MBD5: variants seen among roughly 807,000 people sequenced by gnomAD.
MBD5 encodes the protein methyl-CpG-binding domain protein 5.
A neutral mutation model predicts 117.3 loss-of-function variants in MBD5; 13 were observed. That is an observed-to-expected ratio of 0.11 (90% CI 0.07 to 0.18). The LOEUF (loss-of-function observed/expected upper bound fraction) is 0.18. MBD5 is among the 10% of genes least tolerant of loss of function. The pLI, the probability that MBD5 is intolerant of heterozygous loss-of-function variation, is 1.00. For synonymous variants in MBD5, 727 were observed against 766.4 expected, an observed-to-expected ratio of 0.95 and a Z score of 0.85; for missense variants, 1,879 against 2,093.8, an observed-to-expected ratio of 0.90 and a Z score of 2.00.
intron 1 of MBD5, among the ~76,000 whole-genome samples, chr2:148,165,706 A>G (rs948626478): frequency 6.6e-6 from 1 of 152,114 alleles, no homozygotes; most frequent in African/African-American, 2.4e-5. Flanking sequence ...ATCTATGTCT[A>G]TATCTGCAAC....
At chr2:148,043,928 T>G (rs1345145850) in intron 1 of MBD5, among the ~76,000 whole-genome samples, 1 of 152,216 alleles carries the variant, frequency 6.6e-6, no homozygotes, top group East Asian at 1.9e-4. Flanking sequence ...GATTTTCAAT[T>G]ATAGCTACTT....
intron 4 of MBD5, among the ~76,000 whole-genome samples, chr2:148,364,570 C>G (rs1351330717): frequency 1.3e-5 from 2 of 152,096 alleles, no homozygotes; most frequent in African/African-American, 4.8e-5. Context: ...TGTCAAGACC[C>G]ATTAGTGTGC....
At chr2:148,427,673 A>G (rs1438748270) in intron 4 of MBD5, among the ~76,000 whole-genome samples, 1 of 152,172 alleles carries the variant, frequency 6.6e-6, no homozygotes, top group African/African-American at 2.4e-5. Flanking sequence ...TAGCATTAGG[A>G]GATATACCTA....
At chr2:148,397,698 AC>A (rs1234636381) in intron 4 of MBD5, among the ~76,000 whole-genome samples, 15 of 152,064 alleles carry the variant, frequency 9.9e-5, no homozygotes, top group Non-Finnish European at 2.2e-4. Context: ...CATGTGCACA[AC>A]GTGCAGGTTT....
At chr2:148,209,523 C>CTTT (rs562857871) in intron 2 of MBD5, among the ~76,000 whole-genome samples, 3 of 143,840 alleles carry the variant, frequency 2.1e-5, no homozygotes, top group East Asian at 2.0e-4. Flanking sequence ...TTTTTTCTTT[C>CTTT]TTTTTTTTTT....
chr2:148,042,081 A>G (rs559179912), intron 1 of MBD5, among the ~76,000 whole-genome samples: 12 of 152,344 alleles, frequency 7.9e-5, no homozygotes, highest in African/African-American at 2.6e-4. Flanking sequence ...ACCTAAAAAT[A>G]TATGTGCAAA....
At chr2:148,149,698 G>T (rs1267397164) in intron 1 of MBD5, among the ~76,000 whole-genome samples, 1 of 152,194 alleles carries the variant, frequency 6.6e-6, no homozygotes, top group African/African-American at 2.4e-5. Context: ...CAGTGATGAT[G>T]AGCATTTTTT....
intron 10 of MBD5, 135 bp downstream of exon 10, chr2:148,486,085 G>A: frequency 1.2e-6 from 1 of 822,214 alleles, no homozygotes; most frequent in Non-Finnish European, 2.1e-6. Context: ...TCAGTCATGA[G>A]TATTGTTAAA....
At chr2:148,380,462 A>C (rs1159231308) in intron 4 of MBD5, among the ~76,000 whole-genome samples, 3 of 152,330 alleles carry the variant, frequency 2.0e-5, no homozygotes, top group South Asian at 2.1e-4. Flanking sequence ...CAAAAAGATA[A>C]ATTTAAAAAT....
chr2:148,409,970 G>T (rs939998739), intron 4 of MBD5, among the ~76,000 whole-genome samples: 1 of 151,916 alleles, frequency 6.6e-6, no homozygotes, highest in South Asian at 2.1e-4. Context: ...AGAGTTTTTT[G>T]TATTTTTTAC....
At chr2:148,265,935 A>AG (rs1431150309) in intron 3 of MBD5, among the ~76,000 whole-genome samples, 2 of 151,628 alleles carry the variant, frequency 1.3e-5, no homozygotes, top group Non-Finnish European at 2.9e-5. Context: ...GAAAGAGAAA[A>AG]AAATGCTTAA....
intron 3 of MBD5, among the ~76,000 whole-genome samples, chr2:148,312,282 A>G (rs1702051076): frequency 6.6e-6 from 1 of 152,210 alleles, no homozygotes; most frequent in African/African-American, 2.4e-5. Context: ...ACTTTCAGGT[A>G]CACCAATCAA....
intron 4 of MBD5, among the ~76,000 whole-genome samples, chr2:148,353,924 A>G (rs1402918896): frequency 2.0e-5 from 3 of 151,976 alleles, no homozygotes; most frequent in African/African-American, 7.2e-5. Flanking sequence ...TGTTGTAACT[A>G]TAATACCTTT....
chr2:148,395,760 A>T (rs1346238887), intron 4 of MBD5, among the ~76,000 whole-genome samples: 1 of 152,140 alleles, frequency 6.6e-6, no homozygotes, highest in Non-Finnish European at 1.5e-5. Context: ...ACAGGTCATT[A>T]ACCAACGTGT....
intron 4 of MBD5, among the ~76,000 whole-genome samples, chr2:148,399,006 G>T (rs1355308142): frequency 6.6e-6 from 1 of 152,120 alleles, no homozygotes; most frequent in Non-Finnish European, 1.5e-5. Context: ...TGTTCCATTG[G>T]TCTATATCTC....
chr2:148,373,758 G>A (rs1362726972), intron 4 of MBD5, among the ~76,000 whole-genome samples: 1 of 152,082 alleles, frequency 6.6e-6, no homozygotes, highest in African/African-American at 2.4e-5. Flanking sequence ...TCAGTGATCA[G>A]GTGACTACAA....
intron 2 of MBD5, among the ~76,000 whole-genome samples, chr2:148,219,186 CACAA>C (rs1251540527): frequency 2.0e-5 from 3 of 152,042 alleles, no homozygotes; most frequent in South Asian, 2.1e-4. Context: ...AAAACTAAGA[CACAA>C]ACACACACAT....
At chr2:148,397,413 TC>T (rs1450482453) in intron 4 of MBD5, among the ~76,000 whole-genome samples, 1 of 141,812 alleles carries the variant, frequency 7.1e-6, no homozygotes, top group Non-Finnish European at 1.5e-5. Context: ...CACTGCAAGC[TC>T]CGCCTCCCAG....
At chr2:148,416,927 A>G (rs1355986610) in intron 4 of MBD5, among the ~76,000 whole-genome samples, 2 of 152,190 alleles carry the variant, frequency 1.3e-5, no homozygotes, top group Non-Finnish European at 2.9e-5. Context: ...AGTTCCATCC[A>G]AGTTTCTCCA....
Sources: gnomAD v4.1 joint callset for allele counts (sites outside exome capture counted in the v4.1 genomes callset) on GRCh38, gnomAD v4.1.1 for gene constraint, MANE v1.5 for transcripts, NCBI Gene and HGNC (gene_info 2026-07-23, HGNC 2026-07-21) for gene names.